Variants in SCMH1 observed in about 807,000 individuals in gnomAD.
SCMH1 encodes polycomb protein SCMH1.
A neutral mutation model predicts 70.8 loss-of-function variants in SCMH1; 37 were observed. The observed-to-expected ratio is 0.52, with a 90% CI of 0.40 to 0.69. The LOEUF (loss-of-function observed/expected upper bound fraction) is 0.69. Among genes scored for constraint, SCMH1 ranks in the 30% least tolerant of loss-of-function variants. SCMH1 has a pLI of 0.00. For missense variants in SCMH1, 607 were observed against 827.3 expected (o/e 0.73, Z 3.27); for synonymous variants, 292 against 307.4 (o/e 0.95, Z 0.52).
intron 13 of SCMH1, among the ~76,000 whole-genome samples, chr1:41,028,980 C>G (rs1397561542): frequency 6.6e-6 from 1 of 152,026 alleles, no homozygotes; most frequent in Non-Finnish European, 1.5e-5. Context: ...TGATTCAGCC[C>G]AAACCTGAGA....
intron 10 of SCMH1, among the ~76,000 whole-genome samples, chr1:41,070,175 CA>C (rs1655992182): frequency 6.6e-6 from 1 of 151,944 alleles, no homozygotes; most frequent in African/African-American, 2.4e-5. Context: ...TGCAATAAGT[CA>C]ACCTTACTTT....
At chr1:41,164,285 T>C (rs984765810) in intron 2 of SCMH1, among the ~76,000 whole-genome samples, 10 of 152,076 alleles carry the variant, frequency 6.6e-5, no homozygotes, top group African/African-American at 2.4e-4. Flanking sequence ...TTTAAACTCA[T>C]AGCTATAATT....
chr1:41,050,721 G>A (rs945762675), intron 10 of SCMH1, among the ~76,000 whole-genome samples: 5 of 152,174 alleles, frequency 3.3e-5, no homozygotes, highest in African/African-American at 7.2e-5. Flanking sequence ...GACTGGAAAC[G>A]TAGCGACTGA....
At chr1:41,094,579 A>C (rs1477046361) in intron 8 of SCMH1, among the ~76,000 whole-genome samples, 2 of 152,074 alleles carry the variant, frequency 1.3e-5, no homozygotes, top group Non-Finnish European at 2.9e-5. Flanking sequence ...AGTGGTAGAT[A>C]AAATAATTTT....
chr1:41,185,768 T>C (rs537666621), intron 2 of SCMH1, among the ~76,000 whole-genome samples: 9 of 152,068 alleles, frequency 5.9e-5, no homozygotes, highest in Admixed American at 3.3e-4. Flanking sequence ...CCCAAGTAGC[T>C]GGGATTACAG....
At chr1:41,226,761 C>T (rs943255548) in intron 1 of SCMH1, among the ~76,000 whole-genome samples, 1 of 152,036 alleles carries the variant, frequency 6.6e-6, no homozygotes, top group African/African-American at 2.4e-5. Flanking sequence ...ATTTAAAAAA[C>T]TATTATAAGT....
intron 6 of SCMH1, among the ~76,000 whole-genome samples, chr1:41,127,578 A>T (rs1673529110): frequency 1.3e-5 from 2 of 152,168 alleles, no homozygotes; most frequent in South Asian, 4.1e-4. Context: ...TTTATGAAAA[A>T]GTCAATTTTA....
At chr1:41,094,745 C>T (rs947963833) in intron 8 of SCMH1, among the ~76,000 whole-genome samples, 1 of 151,926 alleles carries the variant, frequency 6.6e-6, no homozygotes, top group Non-Finnish European at 1.5e-5. Context: ...AAAAATTAGC[C>T]GGACTTGGTA....
At chr1:41,188,619 G>GA (rs1244519268) in intron 1 of SCMH1, among the ~76,000 whole-genome samples, 5 of 152,292 alleles carry the variant, frequency 3.3e-5, no homozygotes, top group Admixed American at 3.3e-4. Flanking sequence ...GGAAGTCGTT[G>GA]AAAGAAGTAT....
intron 1 of SCMH1, among the ~76,000 whole-genome samples, chr1:41,222,684 A>C (rs1257102671): frequency 1.3e-5 from 2 of 152,182 alleles, no homozygotes; most frequent in African/African-American, 4.8e-5. Flanking sequence ...CGGTCCACCA[A>C]CAACTAGGTT....
intron 6 of SCMH1, among the ~76,000 whole-genome samples, chr1:41,133,891 C>A (rs1436039837): frequency 2.0e-5 from 3 of 152,042 alleles, no homozygotes; most frequent in African/African-American, 4.8e-5. Flanking sequence ...TGAAAGGATT[C>A]GAAGCAAAAG....
At chr1:41,117,920 A>G (rs1000736410) in intron 6 of SCMH1, among the ~76,000 whole-genome samples, 2 of 151,134 alleles carry the variant, frequency 1.3e-5, no homozygotes, top group Non-Finnish European at 2.9e-5. Flanking sequence ...CCTGGCATTC[A>G]GGGCCACTAC....
At chr1:41,085,385 T>C (rs1474117997) in intron 8 of SCMH1, among the ~76,000 whole-genome samples, 2 of 152,134 alleles carry the variant, frequency 1.3e-5, no homozygotes, top group African/African-American at 4.8e-5. Context: ...TGATAATACA[T>C]ATATGCCAAA....
intron 2 of SCMH1, among the ~76,000 whole-genome samples, chr1:41,170,777 C>T (rs1646736455): frequency 6.6e-6 from 1 of 152,180 alleles, no homozygotes; most frequent in Non-Finnish European, 1.5e-5. Context: ...TGCTACCTCA[C>T]AGTTATTGCC....
At chr1:41,093,238 C>T (rs1572038395) in intron 8 of SCMH1, among the ~76,000 whole-genome samples, 1 of 151,984 alleles carries the variant, frequency 6.6e-6, no homozygotes, top group Admixed American at 6.5e-5. Flanking sequence ...ATGGATGAAG[C>T]TGGAAACCAT....
intron 10 of SCMH1, among the ~76,000 whole-genome samples, chr1:41,051,317 G>A (rs944905888): frequency 5.3e-5 from 8 of 152,206 alleles, no homozygotes; most frequent in Non-Finnish European, 1.2e-4. Flanking sequence ...ATTACGTAGA[G>A]TACATAATAC....
chr1:41,115,272 T>C (rs796235241), intron 7 of SCMH1, among the ~76,000 whole-genome samples: 18 of 152,330 alleles, frequency 1.2e-4, no homozygotes, highest in African/African-American at 4.1e-4. Flanking sequence ...TCTTCAAATA[T>C]TCCCTAGTGA....
At chr1:41,089,446 T>C (rs968098076) in intron 8 of SCMH1, among the ~76,000 whole-genome samples, 3 of 152,206 alleles carry the variant, frequency 2.0e-5, no homozygotes, top group African/African-American at 7.2e-5. Flanking sequence ...AACTTGAAAA[T>C]GTATTAACAA....
At chr1:41,212,555 T>C (rs1261079036) in intron 1 of SCMH1, among the ~76,000 whole-genome samples, 1 of 152,068 alleles carries the variant, frequency 6.6e-6, no homozygotes, top group African/African-American at 2.4e-5. Context: ...TAACATATAA[T>C]GGAGAACATC....
Sources: allele counts gnomAD v4.1 joint callset (sites outside exome capture counted in the v4.1 genomes callset), GRCh38; gene constraint gnomAD v4.1.1; transcripts MANE v1.5; gene names NCBI Gene and HGNC (gene_info 2026-07-23, HGNC 2026-07-21).